SFN: variants seen among roughly 807,000 people sequenced by gnomAD.
SFN encodes the protein stratifin.
A neutral mutation model predicts 19.1 loss-of-function variants in SFN; 5 were observed. The observed-to-expected ratio is 0.26, with a 90% CI of 0.14 to 0.55. The LOEUF (loss-of-function observed/expected upper bound fraction) is 0.55. Ranked by LOEUF, SFN falls within the 20% of genes least tolerant of loss-of-function variation. SFN has a pLI of 0.94. For missense variants in SFN, 287 were observed against 330.0 expected (o/e 0.87, Z 1.01); for synonymous variants, 130 against 140.9 (o/e 0.92, Z 0.55).
chr1:26,864,364 T>TGTGTGTGTGCGC lies in SFN; in HGVS notation c.*406_*407insTGTGTGTGCGCG, dbSNP rs746458233. 7.0e-5 allele frequency: 13 copies of TGTGTGTGTGCGC among 186,912 alleles called. No individual in the cohort carries two copies. The highest frequency in any genetic ancestry group is 2.4e-4 in the African/African-American group (10 of 40,904). The allele number at this position is 186,912 out of a possible 1,614,324, so 11.6% of individuals were successfully genotyped here. A position where few individuals can be genotyped will look rare whatever the true frequency, so the allele number is the denominator to read the frequency against. ...GTGTGTGTGTGTGTGTGTGTGTGTG[T>TGTGTGTGTGCGC]GCGCGCGCGCCAGTGCAAGACCGAG... On this transcript the variant is annotated 3_prime_UTR_variant, in exon 1 of 1. Transcript: ENST00000339276. This position sits in a 1 kb window ranked among gnomAD's most constrained non-coding sequence, Gnocchi z 5.2.
In SFN at chr1:26,864,128, CTCT is replaced by C; in HGVS notation, c.*174_*176del. On this transcript the variant is annotated 3_prime_UTR_variant, in exon 1 of 1. Coordinates refer to ENST00000339276, the MANE Select transcript of SFN (RefSeq NM_006142.5). This position sits in a 1 kb window ranked among gnomAD's most constrained non-coding sequence, Gnocchi z 5.2. ...AGGCCACCTGGGGCTGGGGATCCCA[CTCT>C]TCTTGCAGCTGTTGAGCGCACCTAA... The C allele has an allele frequency of 1.6e-6, 1 of 642,640 alleles. No individual in the cohort carries two copies. 39.8% of individuals were successfully genotyped at this position (642,640 alleles called of 1,614,324 possible).
In SFN at chr1:26,863,240, G is replaced by T; in HGVS notation, c.28G>T (p.Ala10Ser). MERASLIQKAKLAEQAERYE... is the reference protein window; with the variant it reads MERASLIQKSKLAEQAERYE... ...GGAGAGAGCCAGTCTGATCCAGAAG[G>T]CCAAGCTGGCAGAGCAGGCCGAACG... Residue 10 changes from alanine to serine, a missense_variant, in exon 1 of 1, where the codon GCC (alanine) becomes TCC (serine). Transcript: ENST00000339276. This position sits in a 1 kb window ranked among gnomAD's most constrained non-coding sequence, Gnocchi z 7.4. 6.2e-7 allele frequency: 1 copy of T among 1,614,230 alleles called. No homozygotes were observed. Among genetic ancestry groups the T allele is most frequent in the Non-Finnish European group, 8.5e-7 (1 of 1,180,044 alleles).
In SFN at chr1:26,863,588, G is replaced by A. The variant is rs781461664; in HGVS notation, c.376G>A (p.Asp126Asn). ...GGTCTTCTACCTGAAGATGAAGGGT[G>A]ACTACTACCGCTACCTGGCCGAGGT... Reference protein sequence around the residue: ...SRVFYLKMKGDYYRYLAEVAT... With the variant: ...SRVFYLKMKGNYYRYLAEVAT... Residue 126 changes from aspartate (D) to asparagine (N), a missense_variant, in exon 1 of 1, where the codon GAC (aspartate) becomes AAC (asparagine). Physicochemically the swap from Asp to Asn is conservative, Grantham distance 23. Transcript: ENST00000339276. This position sits in a 1 kb window ranked among gnomAD's most constrained non-coding sequence, Gnocchi z 7.4. The A allele has an allele frequency of 6.2e-7, 1 of 1,614,088 alleles. No homozygotes were observed. The highest frequency in any genetic ancestry group is 8.5e-7 in the Non-Finnish European group (1 of 1,180,006).
rs1242069424 is a variant in SFN, at chr1:26,863,952, A to G, written c.740A>G (p.Gln247Arg). The change falls in exon 1 of 1, where the codon CAG (glutamine) becomes CGG (arginine). Residue 247 changes from glutamine (Q) to arginine (R), a missense_variant. Transcript: ENST00000339276. This position sits in a 1 kb window ranked among gnomAD's most constrained non-coding sequence, Gnocchi z 7.4. ...EEGGEAPQEP[Q>R]S is the part of the protein sequence containing the mutation. Reference sequence around the variant, plus strand: ...GGGGGCGAGGCTCCCCAGGAGCCCCAGAGCTGAGTGTTGCCCGCCACCGCC... The same window carrying G: ...GGGGGCGAGGCTCCCCAGGAGCCCCGGAGCTGAGTGTTGCCCGCCACCGCC... The G allele has an allele frequency of 6.2e-7, 1 of 1,609,434 alleles. No individual in the cohort carries two copies. Among genetic ancestry groups the G allele is most frequent in the Non-Finnish European group, 8.5e-7 (1 of 1,177,856 alleles).
Position 26,864,205 on chromosome 1 carries a change from C to G in SFN, c.*246C>G. 1.9e-6 allele frequency: 1 copy of G among 539,150 alleles called. No individual in the cohort carries two copies. The highest frequency in any genetic ancestry group is 3.4e-6 in the Non-Finnish European group (1 of 293,660). The allele number at this position is 539,150 out of a possible 1,614,324, so 33.4% of individuals were successfully genotyped here. A position where few individuals can be genotyped will look rare whatever the true frequency, so the allele number is the denominator to read the frequency against. On this transcript the variant is annotated 3_prime_UTR_variant, in exon 1 of 1. Transcript: ENST00000339276. The surrounding 1 kb of genome is among the most constrained non-coding windows in gnomAD (Gnocchi z 5.2). Reference sequence around the variant, plus strand: ...GCTCTCCGCACCCGCTTCCTCCCGACCCCAGGACCAGGCTACTTCTCCCCT... The same window carrying G: ...GCTCTCCGCACCCGCTTCCTCCCGAGCCCAGGACCAGGCTACTTCTCCCCT...
rs1481321947 is a variant in SFN, at chr1:26,863,157, C to G, written c.-56C>G. On this transcript the variant is annotated 5_prime_UTR_variant, in exon 1 of 1. Coordinates refer to ENST00000339276, the MANE Select transcript of SFN (RefSeq NM_006142.5). This position sits in a 1 kb window ranked among gnomAD's most constrained non-coding sequence, Gnocchi z 7.4. ...CCAAGAGCAGGAGAGACACAGAGTCCGGCATTGGTCCCAGGCAGCAGTTAG... is the reference window on the plus strand; with the variant it reads ...CCAAGAGCAGGAGAGACACAGAGTCGGGCATTGGTCCCAGGCAGCAGTTAG... 1 of 1,596,754 alleles carries G rather than the reference C, an allele frequency of 6.3e-7. No homozygotes were observed. The highest frequency in any genetic ancestry group is 2.2e-5 in the East Asian group (1 of 44,672).
In SFN at chr1:26,864,364, T is replaced by TGTGTGTGTGTGC. The variant is rs746458233; in HGVS notation, c.*406_*407insTGTGTGTGTGCG. The stretch of plus-strand genomic sequence containing the variant: ...GTGTGTGTGTGTGTGTGTGTGTGTG[T>TGTGTGTGTGTGC]GCGCGCGCGCCAGTGCAAGACCGAG... On this transcript the variant is annotated 3_prime_UTR_variant, in exon 1 of 1. Coordinates refer to ENST00000339276, the MANE Select transcript of SFN (RefSeq NM_006142.5). The surrounding 1 kb of genome is among the most constrained non-coding windows in gnomAD (Gnocchi z 5.2). 5 of 187,014 alleles carry TGTGTGTGTGTGC rather than the reference T, an allele frequency of 2.7e-5. No homozygotes were observed. The highest frequency in any genetic ancestry group is 6.0e-5 in the Non-Finnish European group (5 of 83,398). The allele number at this position is 187,014 out of a possible 1,614,324, so 11.6% of individuals were successfully genotyped here.
chr1:26,863,315 G>A lies in SFN; in HGVS notation c.103G>A (p.Glu35Lys), dbSNP rs772341113. Reference protein sequence around the residue: ...FMKGAVEKGEELSCEERNLLS... With the variant: ...FMKGAVEKGEKLSCEERNLLS... ...GAAAGGCGCCGTGGAGAAGGGCGAG[G>A]AGCTCTCCTGCGAAGAGCGAAACCT... The change falls in exon 1 of 1, where the codon GAG (glutamate) becomes AAG (lysine). Residue 35 changes from glutamate (E) to lysine (K), a missense_variant. Coordinates refer to ENST00000339276, the MANE Select transcript of SFN (RefSeq NM_006142.5). This position sits in a 1 kb window ranked among gnomAD's most constrained non-coding sequence, Gnocchi z 7.4. 7 of 1,614,224 alleles carry A rather than the reference G, an allele frequency of 4.3e-6. No homozygotes were observed. The highest frequency in any genetic ancestry group is 5.1e-6 in the Non-Finnish European group (6 of 1,180,054).
Position 26,864,167 on chromosome 1 carries a change from T to C in SFN, c.*208T>C, listed in dbSNP as rs1022175864. On this transcript the variant is annotated 3_prime_UTR_variant, in exon 1 of 1. Transcript: ENST00000339276. This position sits in a 1 kb window ranked among gnomAD's most constrained non-coding sequence, Gnocchi z 5.2. ...GTTGAGCGCACCTAACCACTGGTCATGCCCCCACCCCTGCTCTCCGCACCC... is the reference window on the plus strand; with the variant it reads ...GTTGAGCGCACCTAACCACTGGTCACGCCCCCACCCCTGCTCTCCGCACCC... 7 of 584,572 alleles carry C rather than the reference T, an allele frequency of 1.2e-5. No individual in the cohort carries two copies. The highest frequency in any genetic ancestry group is 5.6e-5 in the African/African-American group (3 of 53,328). The allele number at this position is 584,572 out of a possible 1,614,324, so 36.2% of individuals were successfully genotyped here.
rs1306901123 is a variant in SFN at position 26,863,876 on chromosome 1, C to A, written c.664C>A (p.Leu222Met). The A allele has an allele frequency of 6.2e-7, 1 of 1,614,176 alleles. No homozygotes were observed. The highest frequency in any genetic ancestry group is 1.7e-5 in the Admixed American group (1 of 60,024). ...SYKDSTLIMQ[L>M]LRDNLTLWTA... ...CAAAGACAGCACCCTCATCATGCAG[C>A]TGCTGCGAGACAACCTGACACTGTG... is the stretch of plus-strand genomic sequence containing the variant. Residue 222 changes from leucine to methionine, a missense_variant, in exon 1 of 1, where the codon CTG (leucine) becomes ATG (methionine). Transcript: ENST00000339276. This position sits in a 1 kb window ranked among gnomAD's most constrained non-coding sequence, Gnocchi z 7.4.
In SFN at chr1:26,863,330, G is replaced by A; in HGVS notation, c.118G>A (p.Glu40Lys). The change falls in exon 1 of 1, where the codon GAG becomes AAG. Residue 40 changes from glutamate (E) to lysine (K), a missense_variant. Transcript: ENST00000339276. The surrounding 1 kb of genome is among the most constrained non-coding windows in gnomAD (Gnocchi z 7.4). Reference sequence around the variant, plus strand: ...GAAGGGCGAGGAGCTCTCCTGCGAAGAGCGAAACCTGCTCTCAGTAGCCTA... The same window carrying A: ...GAAGGGCGAGGAGCTCTCCTGCGAAAAGCGAAACCTGCTCTCAGTAGCCTA... ...VEKGEELSCE[E>K]RNLLSVAYKN... 6.2e-7 allele frequency: 1 copy of A among 1,614,202 alleles called. No homozygotes were observed. Among genetic ancestry groups the A allele is most frequent in the Admixed American group, 1.7e-5 (1 of 60,030 alleles).
chr1:26,863,781 C>A lies in SFN; in HGVS notation c.569C>A (p.Ala190Asp). Residue 190 changes from alanine to aspartate, a missense_variant, in exon 1 of 1, where the codon GCC (alanine) becomes GAC (aspartate). Coordinates refer to ENST00000339276, the MANE Select transcript of SFN (RefSeq NM_006142.5). This position sits in a 1 kb window ranked among gnomAD's most constrained non-coding sequence, Gnocchi z 7.4. ...GAGATCGCCAACAGCCCCGAGGAGGCCATCTCTCTGGCCAAGACCACTTTC... is the reference window on the plus strand; with the variant it reads ...GAGATCGCCAACAGCCCCGAGGAGGACATCTCTCTGGCCAAGACCACTTTC... ...HYEIANSPEEAISLAKTTFDE... is the reference protein window; with the variant it reads ...HYEIANSPEEDISLAKTTFDE... The A allele has an allele frequency of 1.9e-6, 3 of 1,614,112 alleles. No individual in the cohort carries two copies. The highest frequency in any genetic ancestry group is 2.5e-6 in the Non-Finnish European group (3 of 1,180,014).
chr1:26,863,150 C>T lies in SFN; in HGVS notation c.-63C>T. ...AGGCAGGCCAAGAGCAGGAGAGACACAGAGTCCGGCATTGGTCCCAGGCAG... is the reference window on the plus strand; with the variant it reads ...AGGCAGGCCAAGAGCAGGAGAGACATAGAGTCCGGCATTGGTCCCAGGCAG... On this transcript the variant is annotated 5_prime_UTR_variant, in exon 1 of 1. Coordinates refer to ENST00000339276, the MANE Select transcript of SFN (RefSeq NM_006142.5). The surrounding 1 kb of genome is among the most constrained non-coding windows in gnomAD (Gnocchi z 7.4). 6.3e-7 allele frequency: 1 copy of T among 1,585,642 alleles called. No individual in the cohort carries two copies. Among genetic ancestry groups the T allele is most frequent in the Non-Finnish European group, 8.6e-7 (1 of 1,164,806 alleles).
Position 26,863,801 on chromosome 1 carries a change from A to G in SFN, c.589A>G (p.Thr197Ala), listed in dbSNP as rs766860880. ...GGAGGCCATCTCTCTGGCCAAGACCACTTTCGACGAGGCCATGGCTGATCT... is the reference window on the plus strand; with the variant it reads ...GGAGGCCATCTCTCTGGCCAAGACCGCTTTCGACGAGGCCATGGCTGATCT... ...PEEAISLAKT[T>A]FDEAMADLHT... Residue 197 changes from threonine to alanine, a missense_variant, in exon 1 of 1, where the codon ACT becomes GCT. Coordinates refer to ENST00000339276, the MANE Select transcript of SFN (RefSeq NM_006142.5). The surrounding 1 kb of genome is among the most constrained non-coding windows in gnomAD (Gnocchi z 7.4). 14 of 1,613,912 alleles carry G rather than the reference A, an allele frequency of 8.7e-6. No individual in the cohort carries two copies. Among genetic ancestry groups the G allele is most frequent in the East Asian group, 4.5e-5 (2 of 44,876 alleles).
Position 26,863,692 on chromosome 1 carries a change from G to A in SFN, c.480G>A (p.Lys160=). The part of the protein sequence containing the change: ...AYQEAMDISK[K]EMPPTNPIRL... ...AGGAGGCCATGGACATCAGCAAGAAGGAGATGCCGCCCACCAACCCCATCC... is the reference window on the plus strand; with the variant it reads ...AGGAGGCCATGGACATCAGCAAGAAAGAGATGCCGCCCACCAACCCCATCC... Residue 160 remains lysine (K), a synonymous_variant, in exon 1 of 1, where the codon AAG becomes AAA. Coordinates refer to ENST00000339276, the MANE Select transcript of SFN (RefSeq NM_006142.5). The surrounding 1 kb of genome is among the most constrained non-coding windows in gnomAD (Gnocchi z 7.4). The A allele has an allele frequency of 1.2e-6, 2 of 1,614,048 alleles. No homozygotes were observed. Among genetic ancestry groups the A allele is most frequent in the Non-Finnish European group, 1.7e-6 (2 of 1,179,996 alleles).
chr1:26,863,457 G>C lies in SFN; in HGVS notation c.245G>C (p.Arg82Pro). Residue 82 changes from arginine (R) to proline (P), a missense_variant, in exon 1 of 1, where the codon CGT (arginine) becomes CCT (proline). Arg to Pro is a moderately radical substitution (Grantham distance 103). Coordinates refer to ENST00000339276, the MANE Select transcript of SFN (RefSeq NM_006142.5). The surrounding 1 kb of genome is among the most constrained non-coding windows in gnomAD (Gnocchi z 7.4). ...TCGGAGGAGAAGGGGCCCGAGGTGCGTGAGTACCGGGAGAAGGTGGAGACT... is the reference window on the plus strand; with the variant it reads ...TCGGAGGAGAAGGGGCCCGAGGTGCCTGAGTACCGGGAGAAGGTGGAGACT... ...EGSEEKGPEV[R>P]EYREKVETEL... 6 of 1,614,122 alleles carry C rather than the reference G, an allele frequency of 3.7e-6. No homozygotes were observed. Among genetic ancestry groups the C allele is most frequent in the Non-Finnish European group, 5.1e-6 (6 of 1,180,014 alleles).
rs1305045787 is a variant in SFN, at chr1:26,863,671, G to A, written c.459G>A (p.Glu153=). 15 of 1,614,024 alleles carry A rather than the reference G, an allele frequency of 9.3e-6. No individual in the cohort carries two copies. Among genetic ancestry groups the A allele is most frequent in the Non-Finnish European group, 1.3e-5 (15 of 1,179,988 alleles). Residue 153 remains glutamate (E), a synonymous_variant, in exon 1 of 1, where the codon GAG becomes GAA. Transcript: ENST00000339276. The surrounding 1 kb of genome is among the most constrained non-coding windows in gnomAD (Gnocchi z 7.4). ...ACTCAGCCCGGTCAGCCTACCAGGAGGCCATGGACATCAGCAAGAAGGAGA... is the reference window on the plus strand; with the variant it reads ...ACTCAGCCCGGTCAGCCTACCAGGAAGCCATGGACATCAGCAAGAAGGAGA... ...IIDSARSAYQ[E]AMDISKKEMP...
At position 26,863,171 on chromosome 1, in the gene SFN, G is replaced by A; in HGVS notation, c.-42G>A. 2 of 1,606,440 alleles carry A rather than the reference G, an allele frequency of 1.2e-6. No homozygotes were observed. Among genetic ancestry groups the A allele is most frequent in the African/African-American group, 1.3e-5 (1 of 74,938 alleles). On this transcript the variant is annotated 5_prime_UTR_variant, in exon 1 of 1. Transcript: ENST00000339276. The surrounding 1 kb of genome is among the most constrained non-coding windows in gnomAD (Gnocchi z 7.4). ...GACACAGAGTCCGGCATTGGTCCCAGGCAGCAGTTAGCCCGCCGCCCGCCT... is the reference window on the plus strand; with the variant it reads ...GACACAGAGTCCGGCATTGGTCCCAAGCAGCAGTTAGCCCGCCGCCCGCCT...
rs1368759118 is a variant in SFN, at chr1:26,863,988, C to T, written c.*29C>T. 4 of 1,530,390 alleles carry T rather than the reference C, an allele frequency of 2.6e-6. No homozygotes were observed. The highest frequency in any genetic ancestry group is 3.5e-6 in the Non-Finnish European group (4 of 1,133,684). 94.8% of individuals were successfully genotyped at this position (1,530,390 alleles called of 1,614,324 possible). A position where few individuals can be genotyped will look rare whatever the true frequency, so the allele number is the denominator to read the frequency against. ...TTGCCCGCCACCGCCCCGCCCTGCCCCCTCCAGTCCCCCACCCTGCCGAGA... is the reference window on the plus strand; with the variant it reads ...TTGCCCGCCACCGCCCCGCCCTGCCTCCTCCAGTCCCCCACCCTGCCGAGA... On this transcript the variant is annotated 3_prime_UTR_variant, in exon 1 of 1. Transcript: ENST00000339276. This position sits in a 1 kb window ranked among gnomAD's most constrained non-coding sequence, Gnocchi z 7.4.
Sources: gnomAD v4.1 joint callset for allele counts on GRCh38, gnomAD v4.1.1 for gene constraint, Gnocchi (gnomAD v3.1) non-coding constraint, MANE v1.5 for transcripts, NCBI Gene and HGNC (gene_info 2026-07-23, HGNC 2026-07-21) for gene names.